Variants in OR4N2 observed in about 807,000 individuals in gnomAD.
The protein encoded by OR4N2 is olfactory receptor 4N2.
For missense variants in OR4N2, 307 were observed against 377.6 expected (o/e 0.81, Z 1.55); for synonymous variants, 141 against 140.4 (o/e 1.00, Z -0.03).
chr14:19,809,150 T>C lies in OR4N2; in HGVS notation c.-10+5306T>C, dbSNP rs561552164. Among the ~76,000 whole-genome samples the C allele has an allele frequency of 2.9e-3, 424 of 146,522 alleles. 1 individual carries two copies. Among genetic ancestry groups the C allele is most frequent in the African/African-American group, 0.01 (410 of 39,864 alleles). ...GTGCTGGGATAACTGGCTAGCCAGA[T>C]ACAAAAAAAAAAAATGAAACTTGAC... On this transcript the variant is annotated intron_variant, in intron 1 of 1. Coordinates refer to ENST00000557677, the MANE Select transcript of OR4N2 (RefSeq NM_001004723.3).
chr14:19,813,343 G>A (rs1385635280), intron 1 of OR4N2, among the ~76,000 whole-genome samples: 2 of 152,252 alleles, frequency 1.3e-5, no homozygotes, highest in African/African-American at 4.8e-5. Flanking sequence ...TGCCATGCGA[G>A]CTGTCACAGC....
At chr14:19,806,240 G>A (rs568421828) in intron 1 of OR4N2, among the ~76,000 whole-genome samples, 2 of 152,272 alleles carry the variant, frequency 1.3e-5, no homozygotes, top group Admixed American at 6.5e-5. Flanking sequence ...AATCTTAAAT[G>A]TAAGTTATCT....
chr14:19,820,593 T>A (rs1472330319), intron 1 of OR4N2, among the ~76,000 whole-genome samples: 2 of 152,218 alleles, frequency 1.3e-5, no homozygotes, highest in Non-Finnish European at 2.9e-5. Context: ...AGCCCCTGAC[T>A]GGGGACGCTG....
At chr14:19,808,724 A>G (rs969179059) in intron 1 of OR4N2, among the ~76,000 whole-genome samples, 18 of 152,184 alleles carry the variant, frequency 1.2e-4, no homozygotes, top group African/African-American at 4.1e-4. Flanking sequence ...AAAAAGATCT[A>G]AAATTCATAC....
At chr14:19,815,655 G>GTTTTTTTT (rs59019427) in intron 1 of OR4N2, among the ~76,000 whole-genome samples, 9 of 138,518 alleles carry the variant, frequency 6.5e-5, no homozygotes, top group Non-Finnish European at 7.8e-5. Flanking sequence ...GTTTTTTTTT[G>GTTTTTTTT]TTTTTTTTTT....
intron 1 of OR4N2, among the ~76,000 whole-genome samples, chr14:19,812,642 G>A (rs1879331326): frequency 1.3e-5 from 2 of 152,210 alleles, no homozygotes; most frequent in East Asian, 1.9e-4. Context: ...ACAGGCGTGA[G>A]CCACCGTGCC....
intron 1 of OR4N2, among the ~76,000 whole-genome samples, chr14:19,820,891 T>C (rs550850550): frequency 4.5e-4 from 68 of 152,342 alleles, no homozygotes; most frequent in African/African-American, 1.6e-3. Flanking sequence ...TCCACTGAGA[T>C]AGACCACTTG....
intron 1 of OR4N2, among the ~76,000 whole-genome samples, chr14:19,805,359 G>T (rs1423145556): frequency 6.6e-6 from 1 of 152,164 alleles, no homozygotes; most frequent in East Asian, 1.9e-4. Context: ...CAAAATGACA[G>T]AAGAGCTGAA....
chr14:19,820,171 G>A (rs1381730832), intron 1 of OR4N2, among the ~76,000 whole-genome samples: 3 of 152,224 alleles, frequency 2.0e-5, no homozygotes, highest in African/African-American at 7.2e-5. Flanking sequence ...GCATCAGGGA[G>A]CCACTTGAGG....
intron 1 of OR4N2, among the ~76,000 whole-genome samples, chr14:19,821,596 AT>A (rs1389552987): frequency 1.3e-5 from 2 of 152,198 alleles, no homozygotes; most frequent in Non-Finnish European, 2.9e-5. Context: ...TCAAACTTCT[AT>A]TTATTTCTGG....
At chr14:19,822,634 A>G (rs1273890288) in intron 1 of OR4N2, among the ~76,000 whole-genome samples, 1 of 152,224 alleles carries the variant, frequency 6.6e-6, no homozygotes, top group Non-Finnish European at 1.5e-5. Context: ...TGCAACTACC[A>G]TTATCCCAGG....
At chr14:19,807,651 G>A (rs1023966899) in intron 1 of OR4N2, among the ~76,000 whole-genome samples, 7 of 151,694 alleles carry the variant, frequency 4.6e-5, no homozygotes, top group African/African-American at 1.7e-4. Flanking sequence ...AATTCTACCA[G>A]ATTTTAAAAA....
chr14:19,827,940 C>G lies in OR4N2; in HGVS notation c.492C>G (p.Leu164=), dbSNP rs760855725. ...VHSIIQVVLI[L]RLPFCGPNQL... ...CCATTATCCAGGTGGTCCTCATCCT[C>G]CGCTTGCCTTTTTGTGGCCCAAACC... is the stretch of plus-strand genomic sequence containing the variant. The change falls in exon 2 of 2, where the codon CTC becomes CTG. Residue 164 remains leucine (L), a synonymous_variant. Coordinates refer to ENST00000557677, the MANE Select transcript of OR4N2 (RefSeq NM_001004723.3). 5 of 1,614,246 alleles carry G rather than the reference C, an allele frequency of 3.1e-6. No homozygotes were observed. Among genetic ancestry groups the G allele is most frequent in the African/African-American group, 1.3e-5 (1 of 75,064 alleles).
At chr14:19,815,112 A>C (rs1330073341) in intron 1 of OR4N2, among the ~76,000 whole-genome samples, 1 of 152,244 alleles carries the variant, frequency 6.6e-6, no homozygotes, top group African/African-American at 2.4e-5. Context: ...TGCTATTGTG[A>C]ACAGTGCCGC....
intron 1 of OR4N2, among the ~76,000 whole-genome samples, chr14:19,811,390 G>T (rs926691288): frequency 6.6e-6 from 1 of 152,160 alleles, no homozygotes; most frequent in Non-Finnish European, 1.5e-5. Flanking sequence ...GATACTACAG[G>T]CGCCCACCAC....
intron 1 of OR4N2, among the ~76,000 whole-genome samples, chr14:19,811,627 A>C (rs763748540): frequency 1.5e-4 from 23 of 152,274 alleles, no homozygotes; most frequent in Non-Finnish European, 2.8e-4. Context: ...GATTTATCCC[A>C]AAAACGATAG....
At chr14:19,809,675 T>C (rs1208500936) in intron 1 of OR4N2, among the ~76,000 whole-genome samples, 1 of 152,200 alleles carries the variant, frequency 6.6e-6, no homozygotes, top group Non-Finnish European at 1.5e-5. Flanking sequence ...TGGAACATAA[T>C]GAGAGGCCAG....
chr14:19,813,984 T>C (rs1344576082), intron 1 of OR4N2, among the ~76,000 whole-genome samples: 1 of 152,066 alleles, frequency 6.6e-6, no homozygotes, highest in African/African-American at 2.4e-5. Context: ...CTTTCCTTTT[T>C]CTACTCTTAC....
At chr14:19,812,636 G>A (rs1323876857) in intron 1 of OR4N2, among the ~76,000 whole-genome samples, 1 of 152,192 alleles carries the variant, frequency 6.6e-6, no homozygotes, top group Non-Finnish European at 1.5e-5. Context: ...GGGATGACAG[G>A]CGTGAGCCAC....
Sources: gnomAD v4.1 joint callset for allele counts (sites outside exome capture counted in the v4.1 genomes callset) on GRCh38, gnomAD v4.1.1 for gene constraint, MANE v1.5 for transcripts, NCBI Gene and HGNC (gene_info 2026-07-23, HGNC 2026-07-21) for gene names.